Variants in TNFSF8 observed in about 807,000 individuals in gnomAD.
TNFSF8 encodes the protein TNF superfamily member 8, also known as tumor necrosis factor ligand superfamily member 8.
Under a neutral mutation model 22.0 loss-of-function variants are expected in TNFSF8, and 4 were observed. The observed-to-expected ratio is 0.18, with a 90% CI of 0.09 to 0.42. The LOEUF (loss-of-function observed/expected upper bound fraction) is 0.42. Ranked by LOEUF, TNFSF8 falls within the 10% of genes least tolerant of loss-of-function variation. The pLI is 1.00. For missense variants in TNFSF8, 233 were observed against 281.8 expected, an observed-to-expected ratio of 0.83 and a Z score of 1.24; for synonymous variants, 106 against 112.5, an observed-to-expected ratio of 0.94 and a Z score of 0.37.
At chr9:114,926,749 G>A (rs1828065635) in intron 1 of TNFSF8, among the ~76,000 whole-genome samples, 1 of 151,962 alleles carries the variant, frequency 6.6e-6, no homozygotes, top group African/African-American at 2.4e-5. Context: ...CTGTGTATTT[G>A]TAGATGCACA....
chr9:114,925,461 ACT>A (rs1297488688), intron 1 of TNFSF8, among the ~76,000 whole-genome samples: 1 of 151,694 alleles, frequency 6.6e-6, no homozygotes, highest in East Asian at 1.9e-4. Context: ...CCACTCCTGG[ACT>A]CTCTAGCTTG....
chr9:114,917,021 C>T lies in TNFSF8; in HGVS notation c.238+1075G>A, dbSNP rs541094826. ...TAGTCTGCCTTGAAAGATCCAGAAT[C>T]CCTGTCTTTTGGGGACTTTTGCCCC... On this transcript the variant is annotated intron_variant, in intron 2 of 3. Coordinates refer to ENST00000223795, the MANE Select transcript of TNFSF8 (RefSeq NM_001244.4). Among the ~76,000 whole-genome samples, 6 of 152,294 alleles carry T rather than the reference C, an allele frequency of 3.9e-5. No homozygotes were observed. In the East Asian group the frequency reaches 1.2e-3, roughly 29 times the overall value.
In TNFSF8 at chr9:114,930,109, C is replaced by T. The variant is rs1828119888; in HGVS notation, c.195G>A (p.Thr65=). The T allele has an allele frequency of 1.4e-6, 2 of 1,475,108 alleles. No homozygotes were observed. The highest frequency in any genetic ancestry group is 1.8e-6 in the Non-Finnish European group (2 of 1,104,414). 91.4% of individuals were successfully genotyped at this position (1,475,108 alleles called of 1,614,324 possible). Residue 65 remains threonine, a splice_region_variant and synonymous_variant, in exon 1 of 4, where the codon ACG becomes ACA. Coordinates refer to ENST00000223795, the MANE Select transcript of TNFSF8 (RefSeq NM_001244.4). ...ATIMVLVVQR[T]DSIPNSPDNV... is the part of the protein sequence containing the mutation. ...AAGGGAGGAAGAGGAGTCCACTTAC[C>T]GTCCTCTGAACGACCAACACCATAA...
rs546040716 is a variant in TNFSF8 at position 114,901,287 on chromosome 9, C to T, written c.*2644G>A. 245 of 985,288 alleles carry T rather than the reference C, an allele frequency of 2.5e-4. No homozygotes were observed. Among genetic ancestry groups the T allele is most frequent in the Admixed American group, 4.9e-4 (8 of 16,264 alleles). The allele number at this position is 985,288 out of a possible 1,614,324, so 61.0% of individuals were successfully genotyped here. ...TTTAAACTTCCTGGGTTGCCTACTC[C>T]CTACATATCTATCAGTTGAGTTATT... is the stretch of plus-strand genomic sequence containing the variant. On this transcript the variant is annotated 3_prime_UTR_variant, in exon 4 of 4. Transcript: ENST00000223795.
chr9:114,906,154 T>A (rs1032555112), intron 2 of TNFSF8, among the ~76,000 whole-genome samples: 1 of 152,230 alleles, frequency 6.6e-6, no homozygotes, highest in African/African-American at 2.4e-5. Context: ...GAAACAAATA[T>A]GACATCCATT....
exon 5 of TNFSF8, chr9:114,893,735 A>G (rs1827628261): frequency 4.4e-6 from 1 of 228,484 alleles, no homozygotes; most frequent in Non-Finnish European, 8.8e-6. Flanking sequence ...TCATAGGGTA[A>G]GATGACAGCC....
intron 2 of TNFSF8, among the ~76,000 whole-genome samples, chr9:114,913,432 C>T (rs776990781): frequency 2.6e-4 from 40 of 152,344 alleles, no homozygotes; most frequent in African/African-American, 8.9e-4. Context: ...AGCACTTCAC[C>T]TCATTCAAAC....
chr9:114,914,317 C>A (rs774706244), intron 2 of TNFSF8, among the ~76,000 whole-genome samples: 7 of 152,196 alleles, frequency 4.6e-5, no homozygotes, highest in Non-Finnish European at 8.8e-5. Flanking sequence ...ACTGCCCTAC[C>A]AGCTTCTCTG....
intron 1 of TNFSF8, among the ~76,000 whole-genome samples, chr9:114,924,470 G>C (rs995088854): frequency 6.6e-6 from 1 of 152,160 alleles, no homozygotes; most frequent in African/African-American, 2.4e-5. Flanking sequence ...TGGCATTGCA[G>C]TTAGTTAAGA....
intron 4 of TNFSF8, among the ~76,000 whole-genome samples, chr9:114,894,345 T>A (rs1430103916): frequency 8.1e-5 from 8 of 98,906 alleles, no homozygotes; most frequent in Admixed American, 3.5e-4. Context: ...GTTGCATGTC[T>A]AATTTAGCGG....
intron 1 of TNFSF8, 77 bp from the exon 2 acceptor site, chr9:114,918,215 T>G (rs1249156635): frequency 5.0e-6 from 7 of 1,401,058 alleles, no homozygotes; most frequent in African/African-American, 1.5e-5. Context: ...TTTTTCATTT[T>G]GTTGTCCTTA....
At chr9:114,919,451 A>T (rs1185521098) in intron 1 of TNFSF8, among the ~76,000 whole-genome samples, 6 of 152,220 alleles carry the variant, frequency 3.9e-5, no homozygotes, top group South Asian at 2.1e-4. Flanking sequence ...GCAGAGAGGC[A>T]CAGTTCTTTT....
chr9:114,930,191 T>C lies in TNFSF8; in HGVS notation c.113A>G (p.Tyr38Cys), dbSNP rs768175916. Residue 38 changes from tyrosine (Y) to cysteine (C), a missense_variant, in exon 1 of 4, where the codon TAT (tyrosine) becomes TGT (cysteine). By Grantham distance (194) the Tyr-to-Cys change is radical. Coordinates refer to ENST00000223795, the MANE Select transcript of TNFSF8 (RefSeq NM_001244.4). ...ASHLGTTSRS[Y>C]FYLTTATLAL... Reference sequence around the variant, plus strand: ...CAGAGTGGCTGTGGTCAAATAGAAATAGCTGCGGCTCGTGGTCCCCAGGTG... The same window carrying C: ...CAGAGTGGCTGTGGTCAAATAGAAACAGCTGCGGCTCGTGGTCCCCAGGTG... The C allele has an allele frequency of 3.1e-6, 5 of 1,604,520 alleles. No individual in the cohort carries two copies. The highest frequency in any genetic ancestry group is 4.3e-6 in the Non-Finnish European group (5 of 1,175,436).
intron 1 of TNFSF8, among the ~76,000 whole-genome samples, chr9:114,923,522 C>CTTTCTTTTTTT (rs758823996): frequency 1.1e-5 from 1 of 89,770 alleles, no homozygotes; most frequent in South Asian, 3.7e-4. Flanking sequence ...TTCTTTCTTT[C>CTTTCTTTTTTT]TTTTTTTTTT....
At chr9:114,920,033 G>C (rs1469426278) in intron 1 of TNFSF8, among the ~76,000 whole-genome samples, 2 of 152,196 alleles carry the variant, frequency 1.3e-5, no homozygotes, top group Non-Finnish European at 2.9e-5. Flanking sequence ...TGTTGCCTTA[G>C]TTGAAAGCTT....
At chr9:114,908,410 G>A (rs1827810886) in intron 2 of TNFSF8, among the ~76,000 whole-genome samples, 1 of 152,192 alleles carries the variant, frequency 6.6e-6, no homozygotes, top group African/African-American at 2.4e-5. Context: ...GATTAGATGG[G>A]AAGATAAGAT....
At chr9:114,928,790 T>G (rs1382224471) in intron 1 of TNFSF8, among the ~76,000 whole-genome samples, 1 of 152,234 alleles carries the variant, frequency 6.6e-6, no homozygotes, top group Non-Finnish European at 1.5e-5. Context: ...TTGCAACTCC[T>G]TCTTTTCACT....
intron 1 of TNFSF8, among the ~76,000 whole-genome samples, chr9:114,928,518 C>T (rs1348828051): frequency 1.3e-5 from 2 of 152,138 alleles, no homozygotes; most frequent in African/African-American, 4.8e-5. Flanking sequence ...ACCCATTTTT[C>T]CACCATCTCT....
chr9:114,901,600 A>G lies in TNFSF8; in HGVS notation c.*2331T>C, dbSNP rs1431676313. 2.0e-6 allele frequency: 2 copies of G among 985,148 alleles called. No individual in the cohort carries two copies. Among genetic ancestry groups the G allele is most frequent in the African/African-American group, 3.5e-5 (2 of 57,214 alleles). 61.0% of individuals were successfully genotyped at this position (985,148 alleles called of 1,614,324 possible). On this transcript the variant is annotated 3_prime_UTR_variant, in exon 4 of 4. Coordinates refer to ENST00000223795, the MANE Select transcript of TNFSF8 (RefSeq NM_001244.4). ...GCATGAGTTGGTTTAAGCAAGATTCATTTGTCCTATGCAGTTAGTGTGTGA... is the reference window on the plus strand; with the variant it reads ...GCATGAGTTGGTTTAAGCAAGATTCGTTTGTCCTATGCAGTTAGTGTGTGA...
Sources: gnomAD v4.1 joint callset for allele counts (sites outside exome capture counted in the v4.1 genomes callset) on GRCh38, gnomAD v4.1.1 for gene constraint, MANE v1.5 for transcripts, NCBI Gene and HGNC (gene_info 2026-07-23, HGNC 2026-07-21) for gene names.